NAALADL2: variants seen among roughly 807,000 people sequenced by gnomAD.
The protein encoded by NAALADL2 is inactive N-acetylated-alpha-linked acidic dipeptidase-like protein 2.
In NAALADL2, 76 loss-of-function variants were observed where a neutral mutation model predicts 87.2. The ratio of observed to expected loss-of-function variants is 0.87; its 90% CI spans 0.72 to 1.05. The LOEUF is 1.05. Among genes scored for constraint, NAALADL2 ranks in the 50% least tolerant of loss-of-function variants. NAALADL2 has a pLI of 0.00. For missense variants in NAALADL2, 1,089 were observed against 945.8 expected, an observed-to-expected ratio of 1.15 and a Z score of -1.99; for synonymous variants, 354 against 331.0, an observed-to-expected ratio of 1.07 and a Z score of -0.75.
At chr3:175,082,424 A>G (rs2109253206) in intron 1 of NAALADL2, among the ~76,000 whole-genome samples, 1 of 152,326 alleles carries the variant, frequency 6.6e-6, no homozygotes, top group East Asian at 1.9e-4. Context: ...ATATTTTCTA[A>G]GAATATATGA....
rs140751487 is a variant in NAALADL2 at position 174,938,491 on chromosome 3, T to A, written c.43+79041T>A. Among the ~76,000 whole-genome samples the A allele has an allele frequency of 4.0e-3, 610 of 152,270 alleles. 10 individuals are homozygous for A. Among genetic ancestry groups the A allele is most frequent in the Non-Finnish European group, 2.6e-3 (177 of 67,988 alleles). On this transcript the variant is annotated intron_variant, in intron 1 of 13. Transcript: ENST00000454872. ...ACTAGTGCTGCAATGAACATTCGTG[T>A]GCCTGTGTCTGTATGATAGAATGAT... is the stretch of plus-strand genomic sequence containing the variant.
chr3:175,022,174 G>A (rs950968759), intron 1 of NAALADL2, among the ~76,000 whole-genome samples: 7 of 151,966 alleles, frequency 4.6e-5, no homozygotes, highest in African/African-American at 1.7e-4. Flanking sequence ...CATGCTTCTT[G>A]TATAGCCTGA....
intron 1 of NAALADL2, among the ~76,000 whole-genome samples, chr3:174,865,076 T>A (rs1189302146): frequency 6.6e-6 from 1 of 152,010 alleles, no homozygotes; most frequent in Admixed American, 6.6e-5. Flanking sequence ...ATCTGCATAG[T>A]CGAACACTTC....
rs1018326085 is a variant in NAALADL2 at position 174,859,546 on chromosome 3, C to T, written c.43+96C>T. On this transcript the variant is annotated intron_variant, in intron 1 of 13. Transcript: ENST00000454872. ...CTGTGTGTTTCTGTGTATGCACACA[C>T]GCATCCCTGCATGCATGTTCAGGTG... is the stretch of plus-strand genomic sequence containing the variant. 28 of 957,182 alleles carry T rather than the reference C, an allele frequency of 2.9e-5. No homozygotes were observed. In the East Asian group the frequency reaches 5.2e-4, roughly 18 times the overall value. The allele number at this position is 957,182 out of a possible 1,614,324, so 59.3% of individuals were successfully genotyped here.
At chr3:175,268,641 G>A (rs951332650) in intron 4 of NAALADL2, among the ~76,000 whole-genome samples, 3 of 151,998 alleles carry the variant, frequency 2.0e-5, no homozygotes, top group Admixed American at 6.6e-5. Flanking sequence ...TTGCACACCT[G>A]ACAAAAATAT....
intron 11 of NAALADL2, among the ~76,000 whole-genome samples, chr3:175,642,800 G>C (rs67870879): frequency 0.27 from 41,744 of 152,042 alleles, 6,792 homozygotes; most frequent in African/African-American, 0.46. Context: ...GCGCCCGGCC[G>C]CAAATCTTTT....
At chr3:175,133,140 C>T (rs1303379766) in intron 2 of NAALADL2, among the ~76,000 whole-genome samples, 97 of 148,728 alleles carry the variant, frequency 6.5e-4, no homozygotes, top group Admixed American at 1.3e-3. Flanking sequence ...CGGGCAGAGA[C>T]GCTCCTCACT....
intron 1 of NAALADL2, among the ~76,000 whole-genome samples, chr3:175,089,586 C>T (rs1410939623): frequency 1.3e-5 from 2 of 151,994 alleles, no homozygotes; most frequent in African/African-American, 4.8e-5. Flanking sequence ...TTTAAGAGTT[C>T]AGTGAATTGT....
chr3:175,748,517 A>T (rs1318262267), intron 12 of NAALADL2, among the ~76,000 whole-genome samples: 6 of 152,228 alleles, frequency 3.9e-5, no homozygotes, highest in African/African-American at 1.4e-4. Flanking sequence ...GTGAAGTCTA[A>T]GCTATGATTG....
At chr3:175,215,744 G>A (rs1742419345) in intron 2 of NAALADL2, among the ~76,000 whole-genome samples, 1 of 152,230 alleles carries the variant, frequency 6.6e-6, no homozygotes, top group South Asian at 2.1e-4. Context: ...TGCCACACAG[G>A]CCAGTCGGCA....
chr3:175,734,473 T>A (rs62286101), intron 11 of NAALADL2, among the ~76,000 whole-genome samples: 2 of 151,710 alleles, frequency 1.3e-5, no homozygotes, highest in African/African-American at 4.8e-5. Flanking sequence ...AGGAGAATGG[T>A]GTGAACTCGG....
chr3:175,635,992 G>T (rs1728472881), intron 11 of NAALADL2, among the ~76,000 whole-genome samples: 1 of 152,076 alleles, frequency 6.6e-6, no homozygotes, highest in Non-Finnish European at 1.5e-5. Flanking sequence ...GGAAAGTTTT[G>T]GACCCTGTTA....
At chr3:175,717,393 A>G (rs2150020716) in intron 11 of NAALADL2, among the ~76,000 whole-genome samples, 1 of 152,208 alleles carries the variant, frequency 6.6e-6, no homozygotes, top group Non-Finnish European at 1.5e-5. Context: ...TTTTTAAATC[A>G]AAAAATTAAT....
intron 5 of NAALADL2, among the ~76,000 whole-genome samples, chr3:175,326,415 G>A (rs1383803088): frequency 3.9e-5 from 6 of 151,918 alleles, no homozygotes; most frequent in Admixed American, 3.9e-4. Context: ...TCCTAGATTT[G>A]CTCACAACAA....
chr3:175,006,062 G>A (rs1487198695), intron 1 of NAALADL2, among the ~76,000 whole-genome samples: 2 of 152,164 alleles, frequency 1.3e-5, no homozygotes, highest in East Asian at 3.8e-4. Context: ...TGTGCTTCAA[G>A]CTTGCCAGGT....
chr3:175,084,070 G>A (rs1690837690), intron 1 of NAALADL2, among the ~76,000 whole-genome samples: 1 of 152,132 alleles, frequency 6.6e-6, no homozygotes, highest in Non-Finnish European at 1.5e-5. Flanking sequence ...TATATGCTTT[G>A]GAAAGGAATC....
chr3:175,159,138 A>G (rs1009244595), intron 2 of NAALADL2, among the ~76,000 whole-genome samples: 2 of 152,206 alleles, frequency 1.3e-5, no homozygotes, highest in African/African-American at 4.8e-5. Context: ...AAGATGGATG[A>G]CTAAATTATT....
intron 2 of NAALADL2, among the ~76,000 whole-genome samples, chr3:175,186,429 G>C (rs1026720443): frequency 3.9e-5 from 6 of 151,976 alleles, no homozygotes; most frequent in African/African-American, 1.4e-4. Context: ...AACAATGATA[G>C]TTTGGCTAAT....
At chr3:175,298,840 C>A (rs551347720) in intron 4 of NAALADL2, among the ~76,000 whole-genome samples, 4 of 152,096 alleles carry the variant, frequency 2.6e-5, no homozygotes, top group African/African-American at 7.2e-5. Flanking sequence ...ATACGTTATA[C>A]CTTCATGAGG....
Sources: allele counts gnomAD v4.1 joint callset (sites outside exome capture counted in the v4.1 genomes callset), GRCh38; gene constraint gnomAD v4.1.1; transcripts MANE v1.5; gene names NCBI Gene and HGNC (gene_info 2026-07-23, HGNC 2026-07-21).